Variants in OSBPL10 observed in about 807,000 individuals in gnomAD.
OSBPL10 encodes oxysterol binding protein like 10, also known as oxysterol-binding protein-related protein 10.
A neutral mutation model predicts 81.7 loss-of-function variants in OSBPL10; 49 were observed. That is an observed-to-expected ratio of 0.60 (90% CI 0.48 to 0.76). OSBPL10 has a LOEUF of 0.76. Ranked by LOEUF, OSBPL10 falls within the 30% of genes least tolerant of loss-of-function variation. OSBPL10 has a pLI of 0.00. For missense variants in OSBPL10, 923 were observed against 987.8 expected, an observed-to-expected ratio of 0.93 and a Z score of 0.88; for synonymous variants, 419 against 383.6, an observed-to-expected ratio of 1.09 and a Z score of -1.08.
At chr3:31,860,869 GGGT>G (rs1701041725) in intron 3 of OSBPL10, among the ~76,000 whole-genome samples, 1 of 128,864 alleles carries the variant, frequency 7.8e-6, no homozygotes, top group African/African-American at 4.3e-5. Context: ...TTTTTTTTTT[GGGT>G]TTTTTTTTTT....
intron 1 of OSBPL10, among the ~76,000 whole-genome samples, chr3:31,961,905 T>TA (rs1262797741): frequency 8.5e-6 from 1 of 117,166 alleles, no homozygotes; most frequent in Non-Finnish European, 1.6e-5. Context: ...AGTTTTGTTT[T>TA]GGTTTTTTTT....
intron 1 of OSBPL10, among the ~76,000 whole-genome samples, chr3:31,881,247 T>C (rs1286052122): frequency 6.6e-6 from 1 of 152,168 alleles, no homozygotes; most frequent in Non-Finnish European, 1.5e-5. Context: ...GCAGTGTGCC[T>C]GATAGTTCAT....
At chr3:32,075,656 T>C (rs1403938604) in intron 1 of OSBPL10, among the ~76,000 whole-genome samples, 3 of 152,162 alleles carry the variant, frequency 2.0e-5, no homozygotes. Flanking sequence ...TAATCCCGCT[T>C]GAAGCAGCCC....
intron 6 of OSBPL10, among the ~76,000 whole-genome samples, chr3:31,713,550 C>T (rs544264075): frequency 6.6e-6 from 1 of 152,196 alleles, no homozygotes; most frequent in East Asian, 1.9e-4. Flanking sequence ...GTGCATACCA[C>T]CATGCCAGGC....
At position 31,829,542 on chromosome 3, in the gene OSBPL10, A is replaced by T. The variant is rs181662966; in HGVS notation, c.729+498T>A. ...GGGCTGTCAGAAGACTTGCTCTTAA[A>T]CAAGTCTTCTGACTTCAAGGACAGT... On this transcript the variant is annotated intron_variant, in intron 4 of 11. Coordinates refer to ENST00000396556, the MANE Select transcript of OSBPL10 (RefSeq NM_017784.5). 5.1e-3 allele frequency among the ~76,000 whole-genome samples: 780 copies of T among 152,258 alleles called. 7 individuals carry two copies. The highest frequency in any genetic ancestry group is 7.2e-3 in the Non-Finnish European group (489 of 68,014).
At chr3:31,959,843 T>A (rs1188672353) in intron 1 of OSBPL10, among the ~76,000 whole-genome samples, 1 of 152,148 alleles carries the variant, frequency 6.6e-6, no homozygotes, top group Non-Finnish European at 1.5e-5. Flanking sequence ...TAATGCTCCA[T>A]GAAAGAAAAT....
intron 4 of OSBPL10, among the ~76,000 whole-genome samples, chr3:31,780,451 G>A (rs1260532884): frequency 6.9e-6 from 1 of 145,386 alleles, no homozygotes; most frequent in Non-Finnish European, 1.5e-5. Flanking sequence ...AAACCCAGCA[G>A]AAGAAATAAA....
intron 5 of OSBPL10, among the ~76,000 whole-genome samples, chr3:31,744,028 A>G (rs1404271911): frequency 3.9e-5 from 6 of 152,178 alleles, no homozygotes; most frequent in Non-Finnish European, 8.8e-5. Context: ...GCAGCCAACT[A>G]TGATGCTTTT....
At chr3:31,715,881 C>T (rs543642477) in intron 6 of OSBPL10, among the ~76,000 whole-genome samples, 18 of 152,270 alleles carry the variant, frequency 1.2e-4, no homozygotes, top group African/African-American at 4.1e-4. Context: ...AGACTAAAGT[C>T]GACGGTACCA....
chr3:31,956,088 A>G (rs1697999722), intron 1 of OSBPL10, among the ~76,000 whole-genome samples: 1 of 152,234 alleles, frequency 6.6e-6, no homozygotes, highest in African/African-American at 2.4e-5. Context: ...GAAACACTGC[A>G]AAACCCTCTA....
intron 3 of OSBPL10, among the ~76,000 whole-genome samples, chr3:31,870,057 GGA>G (rs1287034658): frequency 6.6e-6 from 1 of 152,236 alleles, no homozygotes; most frequent in Non-Finnish European, 1.5e-5. Context: ...CTGCACTGTG[GGA>G]GCCCCTTTCT....
At chr3:31,670,526 A>T (rs1444765849) in intron 9 of OSBPL10, among the ~76,000 whole-genome samples, 2 of 152,198 alleles carry the variant, frequency 1.3e-5, no homozygotes, top group Non-Finnish European at 2.9e-5. Flanking sequence ...TTCAGAAGGG[A>T]GAGTTTATTC....
In OSBPL10 at chr3:31,812,770, G is replaced by GAA. The variant is rs1363567286; in HGVS notation, c.729+17268_729+17269dup. Among the ~76,000 whole-genome samples, 6 of 37,192 alleles carry GAA rather than the reference G, an allele frequency of 1.6e-4. No individual in the cohort carries two copies. The East Asian group carries it at 6.6e-3, about 41-fold the overall frequency. 24.4% of individuals were successfully genotyped at this position (37,192 alleles called of 152,430 possible). ...AGAAAGAAAGAAAGAAAGAAAGAAA[G>GAA]AAAGAAAGAAAGAAAGAAAGAAAGA... On this transcript the variant is annotated intron_variant, in intron 4 of 11. Transcript: ENST00000396556.
chr3:31,747,002 G>A (rs1239327055), intron 5 of OSBPL10, among the ~76,000 whole-genome samples: 7 of 152,040 alleles, frequency 4.6e-5, no homozygotes, highest in Non-Finnish European at 8.8e-5. Context: ...AAGATAGAAT[G>A]GGGAGCTTTT....
chr3:31,695,499 G>C (rs1695691162), intron 7 of OSBPL10, among the ~76,000 whole-genome samples: 1 of 152,008 alleles, frequency 6.6e-6, no homozygotes, highest in Non-Finnish European at 1.5e-5. Flanking sequence ...TAGAGTCCCT[G>C]GCCCAACCCT....
chr3:32,047,311 A>C (rs1471972262), intron 1 of OSBPL10, among the ~76,000 whole-genome samples: 3 of 152,108 alleles, frequency 2.0e-5, no homozygotes, highest in Non-Finnish European at 2.9e-5. Context: ...AAAGAAACAA[A>C]ATAATGGCTA....
At position 31,886,214 on chromosome 3, in the gene OSBPL10, G is replaced by C. The variant is rs575933363; in HGVS notation, c.282-6384C>G. On this transcript the variant is annotated intron_variant, in intron 1 of 11. Coordinates refer to ENST00000396556, the MANE Select transcript of OSBPL10 (RefSeq NM_017784.5). The stretch of plus-strand genomic sequence containing the variant: ...AATCATTTCATCTAAATTTAAAAGT[G>C]AAAATTAAAACAACAAGCATAAAGG... Among the ~76,000 whole-genome samples the C allele has an allele frequency of 2.6e-5, 4 of 152,166 alleles. No homozygotes were observed. In the South Asian group the frequency reaches 6.2e-4, roughly 24 times the overall value.
At chr3:31,952,811 G>T (rs528127329) in intron 1 of OSBPL10, among the ~76,000 whole-genome samples, 9 of 152,194 alleles carry the variant, frequency 5.9e-5, no homozygotes, top group African/African-American at 1.9e-4. Flanking sequence ...GTGTGAAGAT[G>T]ATTCTCTCAG....
rs574643834 is a variant in OSBPL10 at position 31,680,459 on chromosome 3, C to A, written c.1726+3175G>T. Among the ~76,000 whole-genome samples the A allele has an allele frequency of 1.8e-4, 28 of 152,270 alleles. No homozygotes were observed. In the South Asian group the frequency reaches 5.8e-3, roughly 32 times the overall value. ...GACCCCAGCACCTGCCCTGCATCCC[C>A]CTTCAATGGCTTGTGCTGAGGGCAG... is the stretch of plus-strand genomic sequence containing the variant. On this transcript the variant is annotated intron_variant, in intron 8 of 11. Coordinates refer to ENST00000396556, the MANE Select transcript of OSBPL10 (RefSeq NM_017784.5).
Sources: gnomAD v4.1 joint callset for allele counts (sites outside exome capture counted in the v4.1 genomes callset) on GRCh38, gnomAD v4.1.1 for gene constraint, MANE v1.5 for transcripts, NCBI Gene and HGNC (gene_info 2026-07-23, HGNC 2026-07-21) for gene names.